TRAF3: variants seen among roughly 807,000 people sequenced by gnomAD.
TRAF3 encodes the protein TNF receptor associated factor 3.
In TRAF3, 13 loss-of-function variants were observed where a neutral mutation model predicts 62.3. That is an observed-to-expected ratio of 0.21 (90% CI 0.14 to 0.33). The LOEUF (loss-of-function observed/expected upper bound fraction) is 0.33, where lower values mean the gene tolerates loss of function less well. Ranked by LOEUF, TRAF3 falls within the 10% of genes least tolerant of loss-of-function variation. TRAF3 has a pLI of 1.00. For missense variants in TRAF3, 440 were observed against 741.8 expected (o/e 0.59, Z 4.73); for synonymous variants, 269 against 283.4 (o/e 0.95, Z 0.51).
intron 2 of TRAF3, among the ~76,000 whole-genome samples, chr14:102,844,125 ATG>A (rs1366219140): frequency 2.0e-5 from 3 of 152,242 alleles, no homozygotes; most frequent in African/African-American, 7.2e-5. Context: ...AATGCTGGGA[ATG>A]TGTGTAAACA....
At chr14:102,820,052 C>T (rs1202450648) in intron 1 of TRAF3, among the ~76,000 whole-genome samples, 1 of 151,882 alleles carries the variant, frequency 6.6e-6, no homozygotes, top group East Asian at 1.9e-4. Flanking sequence ...GTGGTCACCA[C>T]ATGCGGGTGG....
intron 4 of TRAF3, 53 bp from the exon 5 acceptor site, chr14:102,875,571 A>G: frequency 6.7e-7 from 1 of 1,494,554 alleles, no homozygotes; most frequent in East Asian, 2.3e-5. Flanking sequence ...AAGTAGCAGC[A>G]TGTGGAGATT....
At chr14:102,812,646 G>C (rs1236272183) in intron 1 of TRAF3, among the ~76,000 whole-genome samples, 1 of 152,122 alleles carries the variant, frequency 6.6e-6, no homozygotes, top group Non-Finnish European at 1.5e-5. Context: ...CAGGCCGGGC[G>C]TGGTGGCTCA....
intron 7 of TRAF3, among the ~76,000 whole-genome samples, chr14:102,887,503 C>A (rs1296060638): frequency 2.0e-5 from 3 of 152,226 alleles, no homozygotes; most frequent in African/African-American, 7.2e-5. Flanking sequence ...CTGAATCTGC[C>A]CCTGGGAGGA....
rs1897187939 is a variant in TRAF3 at position 102,779,600 on chromosome 14, A to T, written c.-157+1925A>T. Among the ~76,000 whole-genome samples, 3 of 152,212 alleles carry T rather than the reference A, an allele frequency of 2.0e-5. No individual in the cohort carries two copies. In the South Asian group the frequency reaches 6.2e-4, roughly 31 times the overall value. On this transcript the variant is annotated intron_variant, in intron 1 of 11. Transcript: ENST00000392745. ...CTTTAATTTTTCACTGTGCAACTCA[A>T]GAAGGACCTTTCTAGGGTATTGTCA...
chr14:102,799,693 T>C (rs180731312), intron 1 of TRAF3, among the ~76,000 whole-genome samples: 1 of 152,318 alleles, frequency 6.6e-6, no homozygotes, highest in East Asian at 1.9e-4. Context: ...TCAAAGGACC[T>C]GCGTGCCTTG....
At chr14:102,856,812 G>A (rs1032550041) in intron 2 of TRAF3, among the ~76,000 whole-genome samples, 1 of 152,140 alleles carries the variant, frequency 6.6e-6, no homozygotes, top group Non-Finnish European at 1.5e-5. Context: ...GCTGAATGGG[G>A]CGATGATATT....
At chr14:102,870,705 A>G (rs1389619568) in intron 3 of TRAF3, among the ~76,000 whole-genome samples, 1 of 151,982 alleles carries the variant, frequency 6.6e-6, no homozygotes, top group Admixed American at 6.5e-5. Flanking sequence ...GGTGCCCCTC[A>G]TATGTGTTGC....
chr14:102,840,725 C>A (rs756446500), intron 2 of TRAF3, among the ~76,000 whole-genome samples: 4 of 152,076 alleles, frequency 2.6e-5, no homozygotes, highest in African/African-American at 4.8e-5. Context: ...AGATTTGTGC[C>A]TAAGGCAAGT....
At position 102,900,132 on chromosome 14, in the gene TRAF3, T is replaced by C. The variant is rs539518600; in HGVS notation, c.960+2731T>C. 1.2e-4 allele frequency among the ~76,000 whole-genome samples: 15 copies of C among 129,492 alleles called. No individual in the cohort carries two copies. The South Asian group carries it at 3.6e-3, about 31-fold the overall frequency. 85.0% of individuals were successfully genotyped at this position (129,492 alleles called of 152,430 possible). On this transcript the variant is annotated intron_variant, in intron 10 of 11. Transcript: ENST00000392745. ...AGGCGGAACTTGCAGTGAGCCGAGA[T>C]AGCGCCGCTGCAGTCAGGCGTGGGA...
intron 1 of TRAF3, among the ~76,000 whole-genome samples, chr14:102,822,198 AT>A (rs1451254136): frequency 2.0e-5 from 3 of 152,166 alleles, no homozygotes; most frequent in Non-Finnish European, 4.4e-5. Flanking sequence ...ACACTATAAG[AT>A]TTTCCACAGA....
At chr14:102,852,847 A>G (rs775051301) in intron 2 of TRAF3, among the ~76,000 whole-genome samples, 20 of 151,846 alleles carry the variant, frequency 1.3e-4, no homozygotes, top group Non-Finnish European at 1.9e-4. Context: ...ACTCACAGGC[A>G]TGTGTCACCA....
At chr14:102,889,111 G>A (rs1889566418) in intron 7 of TRAF3, among the ~76,000 whole-genome samples, 1 of 152,218 alleles carries the variant, frequency 6.6e-6, no homozygotes, top group South Asian at 2.1e-4. Context: ...GGTACATTGT[G>A]TAAGCTTGCT....
intron 1 of TRAF3, among the ~76,000 whole-genome samples, chr14:102,792,113 CTTTTTTTTT>C (rs35895214): frequency 4.1e-5 from 4 of 97,700 alleles, no homozygotes; most frequent in South Asian, 3.3e-4. Flanking sequence ...TGTGCCTGGA[CTTTTTTTTT>C]TTTTTTTTTT....
intron 1 of TRAF3, among the ~76,000 whole-genome samples, chr14:102,814,530 T>G (rs954008995): frequency 6.6e-6 from 1 of 151,990 alleles, no homozygotes; most frequent in African/African-American, 2.4e-5. Context: ...TTTCTTTTTT[T>G]CCCCCCCAAG....
intron 1 of TRAF3, among the ~76,000 whole-genome samples, chr14:102,815,434 A>G (rs1174074570): frequency 2.6e-5 from 4 of 152,072 alleles, no homozygotes; most frequent in Non-Finnish European, 4.4e-5. Context: ...AGCCATGATC[A>G]TAGTGTACTG....
At chr14:102,807,767 C>G (rs1007751114) in intron 1 of TRAF3, among the ~76,000 whole-genome samples, 1 of 152,184 alleles carries the variant, frequency 6.6e-6, no homozygotes, top group African/African-American at 2.4e-5. Context: ...GCTCTCTTAT[C>G]CCTACAGCTG....
chr14:102,872,089 C>A, intron 4 of TRAF3, 121 bp downstream of exon 4: 1 of 1,001,066 alleles, frequency 1.0e-6, no homozygotes, highest in Non-Finnish European at 1.6e-6. Flanking sequence ...GCTGATGCGG[C>A]AGGCTCCCAG....
intron 1 of TRAF3, among the ~76,000 whole-genome samples, chr14:102,814,840 T>C (rs1460322459): frequency 6.6e-6 from 1 of 152,222 alleles, no homozygotes; most frequent in African/African-American, 2.4e-5. Flanking sequence ...AATTTCTTGA[T>C]GGTGTTCTTT....
Sources: allele counts gnomAD v4.1 joint callset (sites outside exome capture counted in the v4.1 genomes callset), GRCh38; gene constraint gnomAD v4.1.1; transcripts MANE v1.5; gene names NCBI Gene and HGNC (gene_info 2026-07-23, HGNC 2026-07-21).